MEGF9: variants seen among roughly 807,000 people sequenced by gnomAD.
MEGF9 encodes the protein multiple epidermal growth factor-like domains protein 9.
MEGF9 carries 6 observed loss-of-function variants against 46.8 expected under a neutral mutation model. The observed-to-expected ratio is 0.13, with a 90% confidence interval of 0.07 to 0.25. The LOEUF is 0.25. Among genes scored for constraint, MEGF9 ranks in the 10% least tolerant of loss-of-function variants. The pLI is 1.00. For synonymous variants in MEGF9, 302 were observed against 330.7 expected (o/e 0.91, Z 0.94); for missense variants, 683 against 792.4 (o/e 0.86, Z 1.66).
At chr9:120,687,568 C>T (rs79841440) in intron 1 of MEGF9, among the ~76,000 whole-genome samples, 3,599 of 151,576 alleles carry the variant, frequency 0.024, 151 homozygotes, top group African/African-American at 0.084. Flanking sequence ...CTTGATAAAG[C>T]AGAATTACAT....
rs538686339 is a variant in MEGF9, at chr9:120,638,808, T to G, written c.804-16053A>C. Among the ~76,000 whole-genome samples the G allele has an allele frequency of 7.2e-5, 11 of 152,334 alleles. No individual in the cohort carries two copies. In the South Asian group the frequency reaches 2.1e-3, roughly 29 times the overall value. ...TGAGTTTCCTCTTTTATGAGGAATCTGCCCAAGTATTTTTTGTTTGTTTTT... is the reference window on the plus strand; with the variant it reads ...TGAGTTTCCTCTTTTATGAGGAATCGGCCCAAGTATTTTTTGTTTGTTTTT... On this transcript the variant is annotated intron_variant, in intron 2 of 5. Coordinates refer to ENST00000373930, the MANE Select transcript of MEGF9 (RefSeq NM_001080497.3).
chr9:120,684,920 AC>A (rs2043815296), intron 1 of MEGF9, among the ~76,000 whole-genome samples: 1 of 148,860 alleles, frequency 6.7e-6, no homozygotes, highest in African/African-American at 2.5e-5. Flanking sequence ...TGCAAGCTCC[AC>A]CTCCCAGGGT....
At chr9:120,650,646 A>G (rs2043645565) in intron 2 of MEGF9, among the ~76,000 whole-genome samples, 1 of 152,254 alleles carries the variant, frequency 6.6e-6, no homozygotes, top group African/African-American at 2.4e-5. Flanking sequence ...TTAAAAGCCA[A>G]TTGTTAGTTC....
chr9:120,645,966 A>G (rs1020412530), intron 2 of MEGF9, among the ~76,000 whole-genome samples: 3 of 152,224 alleles, frequency 2.0e-5, no homozygotes, highest in African/African-American at 7.2e-5. Context: ...GCAGCCTGCA[A>G]CAAAGGAAGA....
intron 1 of MEGF9, among the ~76,000 whole-genome samples, chr9:120,674,361 C>T (rs147634347): frequency 3.0e-4 from 45 of 152,148 alleles, no homozygotes; most frequent in African/African-American, 9.2e-4. Context: ...GATATATGTA[C>T]GACAAATAAG....
chr9:120,684,743 A>G (rs2043814095), intron 1 of MEGF9, among the ~76,000 whole-genome samples: 1 of 152,236 alleles, frequency 6.6e-6, no homozygotes, highest in Non-Finnish European at 1.5e-5. Context: ...CCTCCCTGCC[A>G]ACACATATAC....
intron 1 of MEGF9, among the ~76,000 whole-genome samples, chr9:120,685,316 CACA>C (rs1451061800): frequency 1.3e-5 from 2 of 152,230 alleles, no homozygotes; most frequent in Non-Finnish European, 2.9e-5. Context: ...AAATACAAAA[CACA>C]ACCGTCGAAC....
chr9:120,705,927 C>A (rs556467772), intron 1 of MEGF9, among the ~76,000 whole-genome samples: 39 of 150,594 alleles, frequency 2.6e-4, no homozygotes, highest in Admixed American at 3.3e-4. Flanking sequence ...CTAAAAAAAA[C>A]CACACAAAAA....
intron 4 of MEGF9, among the ~76,000 whole-genome samples, chr9:120,609,399 T>C (rs984370245): frequency 1.3e-5 from 2 of 152,204 alleles, no homozygotes; most frequent in African/African-American, 4.8e-5. Flanking sequence ...ATTCCCTCAG[T>C]TTAGGATAGG....
intron 5 of MEGF9, among the ~76,000 whole-genome samples, chr9:120,607,369 A>C (rs2043423914): frequency 6.6e-6 from 1 of 152,226 alleles, no homozygotes; most frequent in South Asian, 2.1e-4. Flanking sequence ...GGAACTTCTA[A>C]CCAGATTAGA....
chr9:120,613,705 T>G (rs2043459032), intron 3 of MEGF9, among the ~76,000 whole-genome samples: 2 of 152,264 alleles, frequency 1.3e-5, no homozygotes, highest in Admixed American at 1.3e-4. Flanking sequence ...TGAGAAAGTG[T>G]AACATAATTT....
intron 1 of MEGF9, 71 bp from the exon 2 acceptor site, chr9:120,659,646 T>C: frequency 4.1e-6 from 5 of 1,206,350 alleles, no homozygotes; most frequent in Non-Finnish European, 5.7e-6. Flanking sequence ...TGAACTCTAT[T>C]TTATTTTTCT....
intron 1 of MEGF9, among the ~76,000 whole-genome samples, chr9:120,705,444 A>C (rs1043562488): frequency 1.3e-5 from 2 of 151,974 alleles, no homozygotes; most frequent in African/African-American, 2.4e-5. Flanking sequence ...AAGATCATGG[A>C]AAGAATGGTT....
Position 120,607,843 on chromosome 9 carries a change from T to C in MEGF9, c.1255A>G (p.Ser419Gly), listed in dbSNP as rs2043426323. 1.9e-6 allele frequency: 3 copies of C among 1,613,902 alleles called. No individual in the cohort carries two copies. Among genetic ancestry groups the C allele is most frequent in the Admixed American group, 1.7e-5 (1 of 60,010 alleles). ...TGGAGGCAGTTGATGCACTCACCACTCTCGGGCTTACAAATCTTTGGAGTT... is the reference window on the plus strand; with the variant it reads ...TGGAGGCAGTTGATGCACTCACCACCCTCGGGCTTACAAATCTTTGGAGTT... ...VKTPKICKPE[S>G]GECINCLHNT... The change falls in exon 5 of 6, where the codon AGT becomes GGT. Residue 419 changes from serine to glycine, a missense_variant. Ser to Gly is a moderately conservative substitution (Grantham distance 56). Coordinates refer to ENST00000373930, the MANE Select transcript of MEGF9 (RefSeq NM_001080497.3).
intron 2 of MEGF9, among the ~76,000 whole-genome samples, chr9:120,635,774 A>T (rs1412065523): frequency 6.8e-6 from 1 of 148,092 alleles, no homozygotes; most frequent in East Asian, 1.9e-4. Flanking sequence ...TCAATTTCTT[A>T]AAAAATCATA....
At chr9:120,678,642 T>A (rs1421055014) in intron 1 of MEGF9, among the ~76,000 whole-genome samples, 1 of 152,182 alleles carries the variant, frequency 6.6e-6, no homozygotes, top group Admixed American at 6.5e-5. Context: ...CTGGCTAATT[T>A]TTTTGTATTT....
chr9:120,698,460 G>A lies in MEGF9; in HGVS notation c.601+15298C>T, dbSNP rs1038745739. ...CCTGGGCCATTCTGGAAGGATAGGAGGTAGCCTTTGCCTCAAGCATATTGT... is the reference window on the plus strand; with the variant it reads ...CCTGGGCCATTCTGGAAGGATAGGAAGTAGCCTTTGCCTCAAGCATATTGT... On this transcript the variant is annotated intron_variant, in intron 1 of 5. Coordinates refer to ENST00000373930, the MANE Select transcript of MEGF9 (RefSeq NM_001080497.3). Among the ~76,000 whole-genome samples, 9 of 152,310 alleles carry A rather than the reference G, an allele frequency of 5.9e-5. No homozygotes were observed. The East Asian group carries it at 1.5e-3, about 26-fold the overall frequency.
chr9:120,714,242 C>T lies in MEGF9; in HGVS notation c.117G>A (p.Gly39=). The T allele has an allele frequency of 8.1e-7, 1 of 1,232,952 alleles. No homozygotes were observed. The highest frequency in any genetic ancestry group is 3.7e-5 in the South Asian group (1 of 26,726). 76.4% of individuals were successfully genotyped at this position (1,232,952 alleles called of 1,614,324 possible). A position where few individuals can be genotyped will look rare whatever the true frequency, so the allele number is the denominator to read the frequency against. The change falls in exon 1 of 6, where the codon GGG becomes GGA. Residue 39 remains glycine, a synonymous_variant. Transcript: ENST00000373930. ...CGGCCCCGCCGCCACCGGTGACATT[C>T]CCCGCCGAGGCGGCTGAGGCGACGG... is the stretch of plus-strand genomic sequence containing the variant. ...AAAVASAASA[G]NVTGGGGAAG...
chr9:120,623,090 T>C (rs1268846610), intron 2 of MEGF9, among the ~76,000 whole-genome samples: 2 of 152,198 alleles, frequency 1.3e-5, no homozygotes, highest in African/African-American at 4.8e-5. Flanking sequence ...ATCCTCAAGG[T>C]AGTTCTACCT....
Sources: allele counts gnomAD v4.1 joint callset (sites outside exome capture counted in the v4.1 genomes callset), GRCh38; gene constraint gnomAD v4.1.1; transcripts MANE v1.5; gene names NCBI Gene and HGNC (gene_info 2026-07-23, HGNC 2026-07-21).